The following ADARB2 variants were observed in gnomAD, a reference collection of about 807,000 sequenced individuals.
ADARB2 encodes the protein adenosine deaminase RNA specific B2 (inactive).
A neutral mutation model predicts 62.2 loss-of-function variants in ADARB2; 25 were observed. That is an observed-to-expected ratio of 0.40 (90% CI 0.29 to 0.56). The LOEUF (loss-of-function observed/expected upper bound fraction) is 0.56, where lower values mean the gene tolerates loss of function less well. Ranked by LOEUF, ADARB2 falls within the 20% of genes least tolerant of loss-of-function variation. The probability of loss-of-function intolerance (pLI) is 0.43; values close to 1 mark genes in which losing one functional copy is unlikely to be tolerated. For missense variants in ADARB2, 1,071 were observed against 1,077.4 expected (o/e 0.99, Z 0.08); for synonymous variants, 572 against 500.8 (o/e 1.14, Z -1.90).
At chr10:1,226,594 G>A (rs1589157571) in intron 6 of ADARB2, among the ~76,000 whole-genome samples, 1 of 152,114 alleles carries the variant, frequency 6.6e-6, no homozygotes, top group Non-Finnish European at 1.5e-5. Flanking sequence ...TTTTGGTGTG[G>A]ATGTCCTTTC....
intron 2 of ADARB2, 32 bp from the exon 3 acceptor site, chr10:1,363,949 G>A: frequency 1.4e-6 from 2 of 1,422,066 alleles, no homozygotes; most frequent in East Asian, 2.7e-5. Flanking sequence ...TCAGGAGCCT[G>A]GGCGGGCGCC....
intron 3 of ADARB2, among the ~76,000 whole-genome samples, chr10:1,347,726 G>A (rs926223984): frequency 3.3e-5 from 5 of 152,154 alleles, no homozygotes; most frequent in East Asian, 1.9e-4. Context: ...TCCCGACAGC[G>A]CTCACAGGTA....
rs1833753242 is a variant in ADARB2, at chr10:1,625,331, C to CA, written c.100+111719dup. Among the ~76,000 whole-genome samples, 3 of 152,212 alleles carry CA rather than the reference C, an allele frequency of 2.0e-5. No homozygotes were observed. The South Asian group carries it at 6.2e-4, about 32-fold the overall frequency. ...CCTTTTTCCAGGGAAAACTGGGAGA[C>CA]AGACAGTCGACGTGGGTTGCAATCC... On this transcript the variant is annotated intron_variant, in intron 1 of 9. Transcript: ENST00000381312.
At chr10:1,381,131 T>C (rs1832478772) in intron 1 of ADARB2, among the ~76,000 whole-genome samples, 1 of 151,714 alleles carries the variant, frequency 6.6e-6, no homozygotes, top group South Asian at 2.1e-4. Flanking sequence ...ATATAGTCAT[T>C]TCTAATATTG....
chr10:1,357,577 CT>C (rs1316034199), intron 3 of ADARB2, among the ~76,000 whole-genome samples: 1 of 152,176 alleles, frequency 6.6e-6, no homozygotes, highest in African/African-American at 2.4e-5. Flanking sequence ...TGTATTTTAT[CT>C]GGTAACCCCT....
intron 3 of ADARB2, among the ~76,000 whole-genome samples, chr10:1,273,850 G>A (rs894255028): frequency 6.6e-6 from 1 of 152,188 alleles, no homozygotes; most frequent in African/African-American, 2.4e-5. Flanking sequence ...GAAAGCATCC[G>A]GGCACAGGGT....
chr10:1,406,538 A>T (rs1832709432), intron 1 of ADARB2, among the ~76,000 whole-genome samples: 1 of 152,086 alleles, frequency 6.6e-6, no homozygotes, highest in Non-Finnish European at 1.5e-5. Context: ...CTAGAAATAA[A>T]CTTGGCCTTG....
intron 1 of ADARB2, among the ~76,000 whole-genome samples, chr10:1,608,200 A>G (rs1301030985): frequency 6.6e-6 from 1 of 152,244 alleles, no homozygotes; most frequent in East Asian, 1.9e-4. Context: ...TGGAAAGTCC[A>G]TAAGATATTA....
chr10:1,373,522 T>C (rs945560318), intron 2 of ADARB2, among the ~76,000 whole-genome samples: 4 of 152,272 alleles, frequency 2.6e-5, no homozygotes, highest in African/African-American at 9.6e-5. Flanking sequence ...ATTGTGCATG[T>C]GTGACTGTGT....
intron 1 of ADARB2, among the ~76,000 whole-genome samples, chr10:1,730,788 C>A (rs1441068542): frequency 1.3e-5 from 2 of 152,008 alleles, no homozygotes; most frequent in African/African-American, 4.8e-5. Flanking sequence ...AAAAACTGAA[C>A]GTTAACTATT....
intron 2 of ADARB2, among the ~76,000 whole-genome samples, chr10:1,374,453 G>C (rs1832403773): frequency 6.6e-6 from 1 of 152,230 alleles, no homozygotes. Context: ...ACAGCATCTG[G>C]GGGAGAAAGG....
At chr10:1,470,490 A>C (rs1255856868) in intron 1 of ADARB2, among the ~76,000 whole-genome samples, 5 of 152,210 alleles carry the variant, frequency 3.3e-5, no homozygotes, top group African/African-American at 4.8e-5. Flanking sequence ...AGCAAAATGA[A>C]AATTGGCAAC....
intron 1 of ADARB2, among the ~76,000 whole-genome samples, chr10:1,611,351 A>C (rs1194766501): frequency 6.6e-6 from 1 of 152,270 alleles, no homozygotes; most frequent in Admixed American, 6.5e-5. Flanking sequence ...CTCTCAGAAC[A>C]AATAATTTAA....
At chr10:1,245,636 C>A (rs1284206884) in intron 4 of ADARB2, among the ~76,000 whole-genome samples, 1 of 152,156 alleles carries the variant, frequency 6.6e-6, no homozygotes, top group African/African-American at 2.4e-5. Context: ...TGGTTTCTAG[C>A]TTCATCCATG....
Position 1,183,141 on chromosome 10 carries a change from G to T in ADARB2, c.*52C>A. ...ACCCGCCACGTCGCCCCCCAGACACGGTCCCATCCCTCCAGCGTCCCGCTC... is the reference window on the plus strand; with the variant it reads ...ACCCGCCACGTCGCCCCCCAGACACTGTCCCATCCCTCCAGCGTCCCGCTC... On this transcript the variant is annotated 3_prime_UTR_variant, in exon 10 of 10. Transcript: ENST00000381312. 6.3e-7 allele frequency: 1 copy of T among 1,580,956 alleles called. No homozygotes were observed. Among genetic ancestry groups the T allele is most frequent in the South Asian group, 1.1e-5 (1 of 88,874 alleles).
intron 3 of ADARB2, among the ~76,000 whole-genome samples, chr10:1,272,758 C>CAG (rs1163433159): frequency 6.6e-6 from 1 of 152,234 alleles, no homozygotes; most frequent in Admixed American, 6.5e-5. Flanking sequence ...GAATCAGGTC[C>CAG]AGAGAGGGAA....
At position 1,435,265 on chromosome 10, in the gene ADARB2, G is replaced by A. The variant is rs369659512; in HGVS notation, c.101-56105C>T. Reference sequence around the variant, plus strand: ...ACAGGTGTTGGTGAGACAAGAGCGGGGCTCAGGCCTGCTTCCAAGCCGATG... The same window carrying A: ...ACAGGTGTTGGTGAGACAAGAGCGGAGCTCAGGCCTGCTTCCAAGCCGATG... On this transcript the variant is annotated intron_variant, in intron 1 of 9. Coordinates refer to ENST00000381312, the MANE Select transcript of ADARB2 (RefSeq NM_018702.4). Among the ~76,000 whole-genome samples, 14 of 152,320 alleles carry A rather than the reference G, an allele frequency of 9.2e-5. No homozygotes were observed. In the South Asian group the frequency reaches 2.5e-3, roughly 27 times the overall value.
At chr10:1,598,173 G>A (rs1021922974) in intron 1 of ADARB2, among the ~76,000 whole-genome samples, 2 of 152,182 alleles carry the variant, frequency 1.3e-5, no homozygotes, top group African/African-American at 4.8e-5. Flanking sequence ...TGGGTGCCCT[G>A]TTTACAATTC....
At chr10:1,287,335 G>T (rs976187428) in intron 3 of ADARB2, among the ~76,000 whole-genome samples, 3 of 152,194 alleles carry the variant, frequency 2.0e-5, no homozygotes, top group Non-Finnish European at 2.9e-5. Flanking sequence ...CACATTGTGG[G>T]ATGATCATAT....
Sources: gnomAD v4.1 joint callset for allele counts (sites outside exome capture counted in the v4.1 genomes callset) on GRCh38, gnomAD v4.1.1 for gene constraint, MANE v1.5 for transcripts, NCBI Gene and HGNC (gene_info 2026-07-23, HGNC 2026-07-21) for gene names.